Variants in CYP24A1 observed in about 807,000 individuals in gnomAD.
CYP24A1 encodes cytochrome P450 family 24 subfamily A member 1, also known as 1,25-dihydroxyvitamin D(3) 24-hydroxylase, mitochondrial.
CYP24A1 carries 68 observed loss-of-function variants against 62.4 expected under a neutral mutation model. That is an observed-to-expected ratio of 1.09 (90% CI 0.90 to 1.33). CYP24A1 has a LOEUF of 1.33. CYP24A1 is among the 40% of genes most tolerant of loss of function. The probability of loss-of-function intolerance (pLI) is 0.00; values close to 1 mark genes in which losing one functional copy is unlikely to be tolerated. For missense variants in CYP24A1, 787 were observed against 653.0 expected (o/e 1.21, Z -2.24); for synonymous variants, 267 against 253.0 (o/e 1.06, Z -0.52).
At chr20:54,168,990 C>T (rs112868182) in intron 4 of CYP24A1, among the ~76,000 whole-genome samples, 35 of 151,920 alleles carry the variant, frequency 2.3e-4, no homozygotes, top group Non-Finnish European at 4.1e-4. Context: ...TTCAGCGTCC[C>T]GGGGTCAAGC....
the CYP24A1 span, among the ~76,000 whole-genome samples, chr20:54,148,139 A>T: frequency 1.3e-5 from 2 of 151,848 alleles, no homozygotes; most frequent in African/African-American, 2.4e-5. Context: ...CCCGGCCTGC[A>T]CCCAGTTCTT....
chr20:54,156,412 T>C (rs2092628092), intron 11 of CYP24A1, among the ~76,000 whole-genome samples: 1 of 152,080 alleles, frequency 6.6e-6, no homozygotes. Flanking sequence ...TGGCTTTCAG[T>C]TGGGGAAGGT....
chr20:54,173,768 C>T lies in CYP24A1; in HGVS notation c.-189G>A. 5.0e-6 allele frequency: 3 copies of T among 603,960 alleles called. No individual in the cohort carries two copies. Among genetic ancestry groups the T allele is most frequent in the Non-Finnish European group, 8.8e-6 (3 of 339,368 alleles). 37.4% of individuals were successfully genotyped at this position (603,960 alleles called of 1,614,324 possible). On this transcript the variant is annotated 5_prime_UTR_variant, in exon 1 of 12. Coordinates refer to ENST00000216862, the MANE Select transcript of CYP24A1 (RefSeq NM_000782.5). This position sits in a 1 kb window ranked among gnomAD's most constrained non-coding sequence, Gnocchi z 7.2. ...ACCTCGGCGAGGATGCTCGACGCTG[C>T]ACCACGCGACAGCCTCAGAGCATTG...
chr20:54,173,093 A>T lies in CYP24A1; in HGVS notation c.265T>A (p.Tyr89Asn). 1.2e-6 allele frequency: 2 copies of T among 1,602,432 alleles called. No homozygotes were observed. The highest frequency in any genetic ancestry group is 1.7e-6 in the Non-Finnish European group (2 of 1,179,826). Residue 89 changes from tyrosine (Y) to asparagine (N), a missense_variant, in exon 2 of 12, where the codon TAC (tyrosine) becomes AAC (asparagine). By Grantham distance (143) the Tyr-to-Asn change is moderately radical. Transcript: ENST00000216862. This position sits in a 1 kb window ranked among gnomAD's most constrained non-coding sequence, Gnocchi z 7.2. ...LKKQHDTLVE[Y>N]HKKYGKIFRM... ...AAAATCTTGCCATACTTCTTGTGGT[A>T]CTCCACCTGCAGCCGGCCGGGCACA...
chr20:54,158,237 G>T, intron 8 of CYP24A1, 73 bp from the exon 9 acceptor site: 1 of 1,599,820 alleles, frequency 6.3e-7, no homozygotes. Context: ...TGGGAATGCA[G>T]ATTGGATTAA....
downstream of CYP24A1, among the ~76,000 whole-genome samples, chr20:54,153,246 A>G (rs2092615682): frequency 6.6e-6 from 1 of 152,248 alleles, no homozygotes; most frequent in Non-Finnish European, 1.5e-5. Flanking sequence ...GAAATATTTA[A>G]GCAGCAACAA....
intron 7 of CYP24A1, among the ~76,000 whole-genome samples, chr20:54,160,350 A>G (rs1047513556): frequency 6.6e-6 from 1 of 152,232 alleles, no homozygotes; most frequent in African/African-American, 2.4e-5. Context: ...ACTAGTAGTC[A>G]TATGTATTTA....
intron 7 of CYP24A1, among the ~76,000 whole-genome samples, chr20:54,161,582 C>T (rs577329678): frequency 4.6e-5 from 7 of 151,894 alleles, no homozygotes; most frequent in Middle Eastern, 3.4e-3. Context: ...ATCTATCAGC[C>T]GCTACTAGAT....
intron 11 of CYP24A1, among the ~76,000 whole-genome samples, chr20:54,155,327 C>T (rs1298007119): frequency 1.3e-5 from 2 of 152,140 alleles, no homozygotes; most frequent in Non-Finnish European, 2.9e-5. Context: ...TTGCCATTGG[C>T]AAACAGCATT....
At chr20:54,165,662 G>A (rs2092669011) in intron 5 of CYP24A1, 80 bp downstream of exon 5, 5 of 846,832 alleles carry the variant, frequency 5.9e-6, no homozygotes, top group Admixed American at 3.4e-5. Context: ...GCCATTTTTT[G>A]GGAATCACTG....
chr20:54,145,148 C>T, the CYP24A1 span, among the ~76,000 whole-genome samples: 4 of 151,914 alleles, frequency 2.6e-5, no homozygotes, highest in East Asian at 3.8e-4. Context: ...TAAGCTCTTC[C>T]GGCATTTCTA....
Position 54,173,025 on chromosome 20 carries a change from C to A in CYP24A1, c.333G>T (p.Ser111=), listed in dbSNP as rs758238180. ...LGSFESVHLG[S]PCLLEALYRT... ...GGTACAGCGCTTCCAGCAGGCATGG[C>A]GAGCCCAGGTGCACCGACTCAAAGG... Residue 111 remains serine (S), a synonymous_variant, in exon 2 of 12, where the codon TCG becomes TCT. Coordinates refer to ENST00000216862, the MANE Select transcript of CYP24A1 (RefSeq NM_000782.5). This position sits in a 1 kb window ranked among gnomAD's most constrained non-coding sequence, Gnocchi z 7.2. 1 of 1,610,542 alleles carries A rather than the reference C, an allele frequency of 6.2e-7. No homozygotes were observed. Among genetic ancestry groups the A allele is most frequent in the East Asian group, 2.2e-5 (1 of 44,882 alleles).
At position 54,169,705 on chromosome 20, in the gene CYP24A1, C is replaced by A. The variant is rs373305362; in HGVS notation, c.544-17G>T. On this transcript the variant is annotated splice_polypyrimidine_tract_variant and intron_variant, in intron 3 of 11. Coordinates refer to ENST00000216862, the MANE Select transcript of CYP24A1 (RefSeq NM_000782.5). The stretch of plus-strand genomic sequence containing the variant: ...GGCCAAGACCTTCAAAGAAAACAAC[C>A]GCAAAAGACACATTTTAAAGCCGTT... The A allele has an allele frequency of 6.2e-7, 1 of 1,613,804 alleles. No individual in the cohort carries two copies. Among genetic ancestry groups the A allele is most frequent in the Non-Finnish European group, 8.5e-7 (1 of 1,179,920 alleles).
At position 54,173,576 on chromosome 20, in the gene CYP24A1, T is replaced by C. The variant is rs1325144892; in HGVS notation, c.4A>G (p.Ser2Gly). MSSPISKSRSLA... is the reference protein window; with the variant it reads MGSPISKSRSLA... The stretch of plus-strand genomic sequence containing the variant: ...GAGCGGCTCTTGCTGATGGGGGAGC[T>C]CATGGCAGCGGGGGACACCGGAGCG... Residue 2 changes from serine to glycine, a missense_variant, in exon 1 of 12, where the codon AGC becomes GGC. By Grantham distance (56) the Ser-to-Gly change is moderately conservative. Transcript: ENST00000216862. This position sits in a 1 kb window ranked among gnomAD's most constrained non-coding sequence, Gnocchi z 7.2. The C allele has an allele frequency of 8.9e-6, 14 of 1,574,930 alleles. No individual in the cohort carries two copies. Among genetic ancestry groups the C allele is most frequent in the Non-Finnish European group, 1.2e-5 (14 of 1,165,952 alleles).
chr20:54,146,539 A>C, the CYP24A1 span, among the ~76,000 whole-genome samples: 2 of 152,272 alleles, frequency 1.3e-5, no homozygotes, highest in African/African-American at 4.8e-5. Flanking sequence ...TCTATTAAAA[A>C]GAAAACAAAT....
Position 54,173,808 on chromosome 20 carries a change from T to C in CYP24A1, c.-229A>G. Reference sequence around the variant, plus strand: ...TCAGAGCATTGGTGCCTCCTTGCACTGGCCGCAGGGGCTGGAAGAGGGTGG... The same window carrying C: ...TCAGAGCATTGGTGCCTCCTTGCACCGGCCGCAGGGGCTGGAAGAGGGTGG... On this transcript the variant is annotated 5_prime_UTR_variant, in exon 1 of 12. Transcript: ENST00000216862. This position sits in a 1 kb window ranked among gnomAD's most constrained non-coding sequence, Gnocchi z 7.2. The C allele has an allele frequency of 3.4e-6, 2 of 582,046 alleles. No homozygotes were observed. The highest frequency in any genetic ancestry group is 3.0e-5 in the Admixed American group (1 of 33,304). The allele number at this position is 582,046 out of a possible 1,614,324, so 36.1% of individuals were successfully genotyped here. A position where few individuals can be genotyped will look rare whatever the true frequency, so the allele number is the denominator to read the frequency against.
At chr20:54,148,772 A>C (rs1411721342), downstream of CYP24A1, among the ~76,000 whole-genome samples, 1 of 152,222 alleles carries the variant, frequency 6.6e-6, no homozygotes, top group Non-Finnish European at 1.5e-5. Context: ...CCATTCAAAA[A>C]CATAAGAATC....
At chr20:54,169,022 C>T (rs1275787551) in intron 4 of CYP24A1, among the ~76,000 whole-genome samples, 2 of 151,952 alleles carry the variant, frequency 1.3e-5, no homozygotes, top group Non-Finnish European at 2.9e-5. Flanking sequence ...CTCAGCCTCC[C>T]AAGTAGATGG....
Position 54,173,151 on chromosome 20 carries a change from C to T in CYP24A1, c.259-52G>A, listed in dbSNP as rs775622133. ...GTCAGCGCGCATCCTCCGCCGTGCC[C>T]GAAGCGCTTTCCCTCCTCCCGCCTC... On this transcript the variant is annotated intron_variant, in intron 1 of 11. Coordinates refer to ENST00000216862, the MANE Select transcript of CYP24A1 (RefSeq NM_000782.5). The surrounding 1 kb of genome is among the most constrained non-coding windows in gnomAD (Gnocchi z 7.2). 6.3e-7 allele frequency: 1 copy of T among 1,589,812 alleles called. No homozygotes were observed. The highest frequency in any genetic ancestry group is 8.5e-7 in the Non-Finnish European group (1 of 1,169,624).
Sources: allele counts gnomAD v4.1 joint callset (sites outside exome capture counted in the v4.1 genomes callset), GRCh38; gene constraint gnomAD v4.1.1; non-coding constraint Gnocchi (gnomAD v3.1); transcripts MANE v1.5; gene names NCBI Gene and HGNC (gene_info 2026-07-23, HGNC 2026-07-21).